CCDC144A: variants seen among roughly 807,000 people sequenced by gnomAD.
CCDC144A encodes coiled-coil domain containing 144A.
A neutral mutation model predicts 143.8 loss-of-function variants in CCDC144A; 41 were observed. The ratio of observed to expected loss-of-function variants is 0.29; its 90% CI spans 0.22 to 0.37. The LOEUF is 0.37. CCDC144A is among the 10% of genes least tolerant of loss of function. The pLI, the probability that CCDC144A is intolerant of heterozygous loss-of-function variation, is 1.00. For synonymous variants in CCDC144A, 242 were observed against 517.9 expected, an observed-to-expected ratio of 0.47 and a Z score of 7.23; for missense variants, 637 against 1,488.8, an observed-to-expected ratio of 0.43 and a Z score of 9.41.
chr17:16,673,612 C>G, the CCDC144A span, among the ~76,000 whole-genome samples: 1 of 152,012 alleles, frequency 6.6e-6, no homozygotes, highest in African/African-American at 2.4e-5. Flanking sequence ...TCTCGAACTC[C>G]TGACCTCAGG....
intron 2 of CCDC144A, among the ~76,000 whole-genome samples, chr17:16,704,687 T>C (rs1911944913): frequency 6.6e-6 from 1 of 152,052 alleles, no homozygotes; most frequent in South Asian, 2.1e-4. Context: ...ATTCTGAAGA[T>C]AGTGGTGCAT....
intron 3 of CCDC144A, 199 bp downstream of exon 3, chr17:16,705,598 G>T: frequency 1.7e-6 from 1 of 572,668 alleles, no homozygotes; most frequent in South Asian, 2.0e-5. Flanking sequence ...AGAGAATTAG[G>T]GGAAAGCATG....
chr17:16,716,643 C>T (rs1245167724), intron 6 of CCDC144A, among the ~76,000 whole-genome samples: 2 of 151,690 alleles, frequency 1.3e-5, no homozygotes, highest in African/African-American at 2.4e-5. Context: ...TTTTTCTTCC[C>T]GAGACATTTC....
chr17:16,691,491 G>A (rs1448901537), intron 1 of CCDC144A, among the ~76,000 whole-genome samples: 2 of 151,956 alleles, frequency 1.3e-5, no homozygotes, highest in African/African-American at 4.8e-5. Context: ...GCAGGGTGCA[G>A]TGGCTCATGC....
At chr17:16,746,194 C>T (rs1384634958) in intron 12 of CCDC144A, 5 of 1,493,116 alleles carry the variant, frequency 3.3e-6, no homozygotes, top group South Asian at 1.2e-5. Context: ...GGTTCCTCTC[C>T]CTTTTCTGGT....
the CCDC144A span, among the ~76,000 whole-genome samples, chr17:16,672,718 T>C: frequency 6.6e-6 from 1 of 152,154 alleles, no homozygotes; most frequent in Non-Finnish European, 1.5e-5. Context: ...AAGCACTGTG[T>C]GTACAATCAG....
rs780040347 is a variant in CCDC144A, at chr17:16,772,052, A to C, written c.4141+33A>C. On this transcript the variant is annotated intron_variant, in intron 16 of 16. Coordinates refer to ENST00000399273, the MANE Select transcript of CCDC144A (RefSeq NM_001382000.1). ...ACCAAAATTTATGAATTAAATTTAG[A>C]TTAAGTAATATATATCTGAAATAAA... is the stretch of plus-strand genomic sequence containing the variant. 1.5e-5 allele frequency: 22 copies of C among 1,462,254 alleles called. No homozygotes were observed. In the South Asian group the frequency reaches 2.6e-4, roughly 17 times the overall value. The allele number at this position is 1,462,254 out of a possible 1,614,324, so 90.6% of individuals were successfully genotyped here.
intron 12 of CCDC144A, chr17:16,745,543 A>C: frequency 7.6e-7 from 1 of 1,314,626 alleles, no homozygotes; most frequent in South Asian, 1.3e-5. Flanking sequence ...GGTAAGGAAT[A>C]AGTTCTCCTT....
At chr17:16,705,476 A>G in intron 3 of CCDC144A, 77 bp downstream of exon 3, 1 of 615,770 alleles carries the variant, frequency 1.6e-6, no homozygotes, top group Non-Finnish European at 2.9e-6. Flanking sequence ...TGACTTAAAA[A>G]AACTTTTTCT....
intron 12 of CCDC144A, among the ~76,000 whole-genome samples, chr17:16,753,428 G>GTTTTTTTTTTTTTTT: frequency 3.3e-4 from 19 of 57,358 alleles, no homozygotes; most frequent in Non-Finnish European, 4.2e-4. Context: ...GTGTTTTGTA[G>GTTTTTTTTTTTTTTT]TTTTTTTTTT....
chr17:16,700,031 CA>C (rs1215162189), intron 2 of CCDC144A, among the ~76,000 whole-genome samples: 2 of 152,156 alleles, frequency 1.3e-5, no homozygotes, highest in Non-Finnish European at 2.9e-5. Context: ...GCAATTGTAT[CA>C]GGGGTTCCCA....
At position 16,739,459 on chromosome 17, in the gene CCDC144A, A is replaced by G. The variant is rs577636251; in HGVS notation, c.3372+3816A>G. Among the ~76,000 whole-genome samples, 11 of 151,634 alleles carry G rather than the reference A, an allele frequency of 7.3e-5. No individual in the cohort carries two copies. The South Asian group carries it at 2.3e-3, about 32-fold the overall frequency. ...TCAAGCACAGAAGTTTCACATTTTG[A>G]TGAAGTCCAGTTAATTTTTTTGTTT... is the stretch of plus-strand genomic sequence containing the variant. On this transcript the variant is annotated intron_variant, in intron 12 of 16. Coordinates refer to ENST00000399273, the MANE Select transcript of CCDC144A (RefSeq NM_001382000.1).
chr17:16,707,897 G>A (rs912668525), intron 4 of CCDC144A, among the ~76,000 whole-genome samples: 1 of 152,158 alleles, frequency 6.6e-6, no homozygotes, highest in Non-Finnish European at 1.5e-5. Flanking sequence ...TGGCCACTGA[G>A]TTGGATTCAT....
chr17:16,748,210 A>G (rs902243401), intron 12 of CCDC144A, among the ~76,000 whole-genome samples: 1 of 151,900 alleles, frequency 6.6e-6, no homozygotes, highest in African/African-American at 2.4e-5. Context: ...CCCATTCTGT[A>G]TGGTTTTAGC....
intron 6 of CCDC144A, among the ~76,000 whole-genome samples, chr17:16,716,418 A>G (rs1229398151): frequency 2.0e-5 from 3 of 151,842 alleles, no homozygotes; most frequent in African/African-American, 7.3e-5. Flanking sequence ...ATGCAATGAT[A>G]GTGATATAAT....
At chr17:16,763,697 C>T (rs1424331643) in intron 14 of CCDC144A, among the ~76,000 whole-genome samples, 2 of 152,052 alleles carry the variant, frequency 1.3e-5, no homozygotes, top group Admixed American at 1.3e-4. Flanking sequence ...TGAAGCCATA[C>T]ATCATTGATA....
the CCDC144A span, among the ~76,000 whole-genome samples, chr17:16,669,052 A>T: frequency 6.6e-6 from 1 of 152,294 alleles, no homozygotes; most frequent in African/African-American, 2.4e-5. Flanking sequence ...GTTTAACTTT[A>T]TTATTTATAA....
chr17:16,708,399 T>C (rs1912179530), intron 4 of CCDC144A, among the ~76,000 whole-genome samples: 1 of 152,188 alleles, frequency 6.6e-6, no homozygotes, highest in South Asian at 2.1e-4. Flanking sequence ...TAATATGTAG[T>C]ACTTACGTGT....
At chr17:16,668,948 C>G in the CCDC144A span, among the ~76,000 whole-genome samples, 101 of 152,316 alleles carry the variant, frequency 6.6e-4, no homozygotes, top group African/African-American at 2.2e-3. Flanking sequence ...TCCCATCACA[C>G]TCAGAGTTAG....
Sources: allele counts gnomAD v4.1 joint callset (sites outside exome capture counted in the v4.1 genomes callset), GRCh38; gene constraint gnomAD v4.1.1; transcripts MANE v1.5; gene names NCBI Gene and HGNC (gene_info 2026-07-23, HGNC 2026-07-21).